The following ELMOD3 variants were observed in gnomAD, a reference collection of about 807,000 sequenced individuals.
The protein encoded by ELMOD3 is ELMO domain-containing protein 3.
Under a neutral mutation model 47.4 loss-of-function variants are expected in ELMOD3, and 36 were observed. That is an observed-to-expected ratio of 0.76 (90% CI 0.58 to 1.00). ELMOD3 has a LOEUF of 1.00. Among genes scored for constraint, ELMOD3 ranks in the 50% least tolerant of loss-of-function variants. The pLI, the probability that ELMOD3 is intolerant of heterozygous loss-of-function variation, is 0.00. For synonymous variants in ELMOD3, 149 were observed against 183.5 expected (o/e 0.81, Z 1.52); for missense variants, 404 against 463.8 (o/e 0.87, Z 1.18).
chr2:85,370,039 T>C (rs1374156276), intron 8 of ELMOD3, among the ~76,000 whole-genome samples: 1 of 152,132 alleles, frequency 6.6e-6, no homozygotes. Flanking sequence ...AGCCCTGTCA[T>C]TCAGGGGCCT....
intron 8 of ELMOD3, among the ~76,000 whole-genome samples, chr2:85,370,516 CA>C (rs1240825307): frequency 1.6e-4 from 24 of 152,104 alleles, no homozygotes; most frequent in Admixed American, 2.6e-4. Context: ...AAACCTTGCT[CA>C]GGGGAGAGAG....
intron 13 of ELMOD3, 32 bp from the exon 14 acceptor site, chr2:85,390,728 A>G (rs1455595828): frequency 2.6e-6 from 4 of 1,548,142 alleles, no homozygotes; most frequent in Admixed American, 2.0e-5. Context: ...AGCCCCCTCA[A>G]GCCTTCTGCT....
chr2:85,388,412 G>C (rs1686085844), intron 11 of ELMOD3, among the ~76,000 whole-genome samples: 1 of 152,212 alleles, frequency 6.6e-6, no homozygotes, highest in Non-Finnish European at 1.5e-5. Flanking sequence ...CAGGCTCTAA[G>C]GAGTCTCAGG....
intron 13 of ELMOD3, 72 bp from the exon 14 acceptor site, chr2:85,390,688 G>T: frequency 1.0e-5 from 16 of 1,528,480 alleles, no homozygotes; most frequent in Non-Finnish European, 1.4e-5. Context: ...GAGCTGCTAG[G>T]CTTGAGGCCT....
chr2:85,389,878 G>T (rs373575119), intron 12 of ELMOD3, 51 bp downstream of exon 12: 2 of 1,535,748 alleles, frequency 1.3e-6, no homozygotes, highest in Non-Finnish European at 9.0e-7. Context: ...AGCCTTGTTC[G>T]TCCCCACTCT....
intron 5 of ELMOD3, 25 bp downstream of exon 5, chr2:85,362,285 C>T: frequency 7.1e-7 from 1 of 1,400,528 alleles, no homozygotes; most frequent in Non-Finnish European, 1.0e-6. Context: ...CAACTTGGTA[C>T]CTTCTGCCAG....
intron 9 of ELMOD3, 86 bp from the exon 10 acceptor site, chr2:85,371,354 C>A: frequency 6.3e-7 from 1 of 1,594,480 alleles, no homozygotes. Context: ...GGATGTCTCA[C>A]AGTCCAGATC....
At chr2:85,373,042 G>A (rs1377214899) in intron 10 of ELMOD3, 1 of 151,756 alleles carries the variant, frequency 6.6e-6, no homozygotes, top group African/African-American at 2.4e-5. Context: ...ATGACTTGAG[G>A]TCAACAGTCT....
At chr2:85,381,903 G>A (rs1481437554) in intron 11 of ELMOD3, among the ~76,000 whole-genome samples, 12 of 151,942 alleles carry the variant, frequency 7.9e-5, no homozygotes, top group African/African-American at 2.9e-4. Context: ...AGATCGTGAG[G>A]TCAGGAGATC....
In ELMOD3 at chr2:85,379,168, AAGG is replaced by A. The variant is rs376184184; in HGVS notation, c.738+1699_738+1701del. Among the ~76,000 whole-genome samples the A allele has an allele frequency of 3.3e-5, 5 of 152,318 alleles. No individual in the cohort carries two copies. The East Asian group carries it at 9.6e-4, about 29-fold the overall frequency. On this transcript the variant is annotated intron_variant, in intron 11 of 13. Transcript: ENST00000409013. ...TCCAAATTAGGAAAATGGAAAAAAA[AAGG>A]AGGAAAAGAAATTTAAAACATTATT... is the stretch of plus-strand genomic sequence containing the variant.
chr2:85,383,073 C>CAAAA (rs565248845), intron 11 of ELMOD3, among the ~76,000 whole-genome samples: 29 of 137,120 alleles, frequency 2.1e-4, no homozygotes, highest in Admixed American at 8.0e-4. Context: ...AGTAAAACTC[C>CAAAA]AAAAAAAAAA....
intron 11 of ELMOD3, among the ~76,000 whole-genome samples, chr2:85,385,831 G>T (rs752137039): frequency 1.3e-5 from 2 of 152,044 alleles, no homozygotes; most frequent in Non-Finnish European, 2.9e-5. Flanking sequence ...TTTCCAGTGA[G>T]GGCTTTTGTA....
At chr2:85,361,613 AAC>A (rs1435667424) in intron 4 of ELMOD3, among the ~76,000 whole-genome samples, 1 of 152,152 alleles carries the variant, frequency 6.6e-6, no homozygotes, top group Non-Finnish European at 1.5e-5. Flanking sequence ...AGAAGGGAAC[AAC>A]ACACACTGGG....
intron 6 of ELMOD3, among the ~76,000 whole-genome samples, chr2:85,365,206 G>A (rs1390100765): frequency 1.3e-5 from 2 of 151,124 alleles, no homozygotes; most frequent in African/African-American, 2.4e-5. Flanking sequence ...AAACTGAGGC[G>A]GGCGGATCAC....
chr2:85,383,971 A>G (rs909812909), intron 11 of ELMOD3, among the ~76,000 whole-genome samples: 8 of 152,358 alleles, frequency 5.3e-5, no homozygotes, highest in East Asian at 3.9e-4. Context: ...TGAGACATCA[A>G]TTAACACATG....
At chr2:85,363,008 A>G (rs533473545) in intron 5 of ELMOD3, 89 bp from the exon 6 acceptor site, 1 of 799,050 alleles carries the variant, frequency 1.3e-6, no homozygotes, top group Admixed American at 2.1e-5. Flanking sequence ...TCCAGTGTCA[A>G]GGACATTCAG....
At position 85,363,927 on chromosome 2, in the gene ELMOD3, CG is replaced by C. The variant is rs144911609; in HGVS notation, c.199+765del. On this transcript the variant is annotated intron_variant, in intron 6 of 13. Transcript: ENST00000409013. Reference sequence around the variant, plus strand: ...TGGGACTTACAAGATGAGATTTAGGCGGGGACACAGAGCCAAACCACATCAC... The same window carrying C: ...TGGGACTTACAAGATGAGATTTAGGCGGGACACAGAGCCAAACCACATCAC... Among the ~76,000 whole-genome samples the C allele has an allele frequency of 4.3e-3, 649 of 152,172 alleles. 13 individuals carry two copies. In the East Asian group the frequency reaches 0.062, roughly 14 times the overall value.
At chr2:85,373,171 C>T (rs1684920979) in intron 10 of ELMOD3, among the ~76,000 whole-genome samples, 1 of 151,522 alleles carries the variant, frequency 6.6e-6, no homozygotes, top group Admixed American at 6.6e-5. Context: ...AGGAGAATCG[C>T]TTGAACCCAG....
chr2:85,388,126 G>A (rs989579019), intron 11 of ELMOD3, among the ~76,000 whole-genome samples: 3 of 151,552 alleles, frequency 2.0e-5, no homozygotes, highest in East Asian at 3.9e-4. Flanking sequence ...TCTGCATAAA[G>A]TATCTTTTTT....
Sources: allele counts gnomAD v4.1 joint callset (sites outside exome capture counted in the v4.1 genomes callset), GRCh38; gene constraint gnomAD v4.1.1; transcripts MANE v1.5; gene names NCBI Gene and HGNC (gene_info 2026-07-23, HGNC 2026-07-21).